The following KIAA0319L variants were observed in gnomAD, a reference collection of about 807,000 sequenced individuals.
The protein encoded by KIAA0319L is KIAA0319 like, also known as dyslexia-associated protein KIAA0319-like protein.
KIAA0319L carries 55 observed loss-of-function variants against 120.1 expected under a neutral mutation model. The ratio of observed to expected loss-of-function variants is 0.46; its 90% confidence interval spans 0.37 to 0.57. The LOEUF (loss-of-function observed/expected upper bound fraction) is 0.57. Ranked by LOEUF, KIAA0319L falls within the 20% of genes least tolerant of loss-of-function variation. KIAA0319L has a pLI of 0.00. For synonymous variants in KIAA0319L, 398 were observed against 471.9 expected (o/e 0.84, Z 2.03); for missense variants, 1,049 against 1,255.3 (o/e 0.84, Z 2.48).
intron 7 of KIAA0319L, among the ~76,000 whole-genome samples, chr1:35,464,571 G>A (rs1643123748): frequency 6.6e-6 from 1 of 152,192 alleles, no homozygotes; most frequent in Admixed American, 6.5e-5. Flanking sequence ...TTTGCAGCCT[G>A]ACAATGCAAT....
chr1:35,509,261 T>C (rs1645329714), intron 2 of KIAA0319L, among the ~76,000 whole-genome samples: 1 of 152,182 alleles, frequency 6.6e-6, no homozygotes, highest in Non-Finnish European at 1.5e-5. Context: ...TGAACAGTAG[T>C]CACCTTCAGT....
intron 2 of KIAA0319L, among the ~76,000 whole-genome samples, chr1:35,550,778 G>A (rs1167932503): frequency 1.3e-5 from 2 of 151,792 alleles, no homozygotes; most frequent in African/African-American, 4.8e-5. Flanking sequence ...CTATGTTGCC[G>A]GCTGGTCTCA....
Position 35,453,830 on chromosome 1 carries a change from C to T in KIAA0319L, c.1781-141G>A. On this transcript the variant is annotated intron_variant, in intron 11 of 20. Transcript: ENST00000325722. This position sits in a 1 kb window ranked among gnomAD's most constrained non-coding sequence, Gnocchi z 4.1. ...TCAGATACTGTGGGAGATGTGGTTACCGTCAGGGAGCACACAATAAAGAAT... is the reference window on the plus strand; with the variant it reads ...TCAGATACTGTGGGAGATGTGGTTATCGTCAGGGAGCACACAATAAAGAAT... 1 of 742,834 alleles carries T rather than the reference C, an allele frequency of 1.3e-6. No individual in the cohort carries two copies. Among genetic ancestry groups the T allele is most frequent in the East Asian group, 2.7e-5 (1 of 36,432 alleles). The allele number at this position is 742,834 out of a possible 1,614,324, so 46.0% of individuals were successfully genotyped here. A position where few individuals can be genotyped will look rare whatever the true frequency, so the allele number is the denominator to read the frequency against.
chr1:35,525,038 A>G (rs1178694121), intron 2 of KIAA0319L, among the ~76,000 whole-genome samples: 1 of 152,128 alleles, frequency 6.6e-6, no homozygotes, highest in Non-Finnish European at 1.5e-5. Flanking sequence ...GTTAATTATC[A>G]TTCTACTCCC....
At chr1:35,505,042 T>A (rs34516999) in intron 3 of KIAA0319L, among the ~76,000 whole-genome samples, 4,731 of 152,310 alleles carry the variant, frequency 0.031, 95 homozygotes, top group Non-Finnish European at 0.049. Context: ...GCTTAAACTT[T>A]CTTTCTTTAA....
intron 2 of KIAA0319L, among the ~76,000 whole-genome samples, chr1:35,549,012 C>T (rs141053306): frequency 4.6e-5 from 7 of 151,946 alleles, no homozygotes; most frequent in African/African-American, 9.6e-5. Context: ...AAGCTAAATG[C>T]TTCTCCTACG....
chr1:35,464,036 C>T (rs1643083475), intron 7 of KIAA0319L, among the ~76,000 whole-genome samples: 2 of 152,200 alleles, frequency 1.3e-5, no homozygotes, highest in African/African-American at 2.4e-5. Context: ...TCCATTAAAA[C>T]TCATTCTTTT....
intron 4 of KIAA0319L, among the ~76,000 whole-genome samples, chr1:35,476,749 T>C (rs1643907538): frequency 6.6e-6 from 1 of 152,222 alleles, no homozygotes; most frequent in South Asian, 2.1e-4. Context: ...TGGTGCCTCA[T>C]GATTGAACCC....
chr1:35,442,228 A>G lies in KIAA0319L; in HGVS notation c.2870+18T>C. The G allele has an allele frequency of 6.3e-7, 1 of 1,581,708 alleles. No individual in the cohort carries two copies. On this transcript the variant is annotated intron_variant, in intron 19 of 20. Coordinates refer to ENST00000325722, the MANE Select transcript of KIAA0319L (RefSeq NM_024874.5). The stretch of plus-strand genomic sequence containing the variant: ...TGACAAGAAGCCCGAATGAATTTCA[A>G]AGGAAAATCCATCTTACCTCTTACA...
intron 20 of KIAA0319L, among the ~76,000 whole-genome samples, chr1:35,438,036 G>C (rs1173165359): frequency 6.6e-6 from 1 of 152,022 alleles, no homozygotes; most frequent in Non-Finnish European, 1.5e-5. Context: ...TCTCCTTGCT[G>C]GTCTCCACAC....
chr1:35,502,270 T>C (rs1055391395), intron 3 of KIAA0319L, among the ~76,000 whole-genome samples: 1 of 143,754 alleles, frequency 7.0e-6, no homozygotes, highest in African/African-American at 2.6e-5. Context: ...TGAGACTCTG[T>C]CTCAAGAAAA....
rs1172459624 is a variant in KIAA0319L, at chr1:35,487,609, C to T, written c.667-8397G>A. Among the ~76,000 whole-genome samples, 2 of 152,188 alleles carry T rather than the reference C, an allele frequency of 1.3e-5. 1 individual carries two copies. Among genetic ancestry groups the T allele is most frequent in the Non-Finnish European group, 2.9e-5 (2 of 68,044 alleles). On this transcript the variant is annotated intron_variant, in intron 3 of 20. Coordinates refer to ENST00000325722, the MANE Select transcript of KIAA0319L (RefSeq NM_024874.5). ...CAAGAATTTGGCCAGAGATTTTACT[C>T]AGATTTGGGGCCTGTTCTCATTGTA...
At chr1:35,448,477 G>T (rs1641806358) in intron 15 of KIAA0319L, 145 bp from the exon 16 acceptor site, 1 of 818,240 alleles carries the variant, frequency 1.2e-6, no homozygotes, top group Non-Finnish European at 1.9e-6. Context: ...GTGAATTCCT[G>T]ATCGGGCAAT....
At chr1:35,459,756 G>A (rs180990638) in intron 9 of KIAA0319L, among the ~76,000 whole-genome samples, 13 of 152,078 alleles carry the variant, frequency 8.5e-5, no homozygotes, top group Non-Finnish European at 1.3e-4. Flanking sequence ...AAGGAATTAC[G>A]CAAACATAAG....
intron 8 of KIAA0319L, among the ~76,000 whole-genome samples, chr1:35,462,388 C>G (rs1045392250): frequency 1.1e-4 from 16 of 152,176 alleles, no homozygotes; most frequent in African/African-American, 3.9e-4. Flanking sequence ...TTCTTACCAT[C>G]TCAAAGTGGA....
chr1:35,494,246 A>C (rs939018462), intron 3 of KIAA0319L, among the ~76,000 whole-genome samples: 2 of 152,052 alleles, frequency 1.3e-5, no homozygotes, highest in Non-Finnish European at 2.9e-5. Flanking sequence ...CAGAAGTTCA[A>C]GACCAGCCTG....
intron 2 of KIAA0319L, among the ~76,000 whole-genome samples, chr1:35,541,193 C>T (rs12749036): frequency 2.6e-5 from 4 of 152,172 alleles, no homozygotes; most frequent in Middle Eastern, 3.4e-3. Flanking sequence ...CCACCTGCCT[C>T]GGCCTCCCAA....
At chr1:35,492,439 A>T (rs1489814019) in intron 3 of KIAA0319L, among the ~76,000 whole-genome samples, 1 of 151,974 alleles carries the variant, frequency 6.6e-6, no homozygotes, top group Non-Finnish European at 1.5e-5. Flanking sequence ...GCTTGAACCC[A>T]GGAGGTGGAG....
At chr1:35,539,790 C>T (rs796948166) in intron 2 of KIAA0319L, among the ~76,000 whole-genome samples, 36 of 152,298 alleles carry the variant, frequency 2.4e-4, no homozygotes, top group African/African-American at 8.4e-4. Context: ...AAACATTGAG[C>T]TGTATCAAAA....
Sources: allele counts gnomAD v4.1 joint callset (sites outside exome capture counted in the v4.1 genomes callset), GRCh38; gene constraint gnomAD v4.1.1; non-coding constraint Gnocchi (gnomAD v3.1); transcripts MANE v1.5; gene names NCBI Gene and HGNC (gene_info 2026-07-23, HGNC 2026-07-21).